Variants in SUGCT observed in about 807,000 individuals in gnomAD.
SUGCT encodes the protein succinyl-CoA:glutarate CoA-transferase.
Under a neutral mutation model 55.0 loss-of-function variants are expected in SUGCT, and 41 were observed. That is an observed-to-expected ratio of 0.74 (90% CI 0.58 to 0.97). The LOEUF is 0.97. Among genes scored for constraint, SUGCT ranks in the 50% least tolerant of loss-of-function variants. SUGCT has a pLI of 0.00. For missense variants in SUGCT, 568 were observed against 547.8 expected, an observed-to-expected ratio of 1.04 and a Z score of -0.37; for synonymous variants, 187 against 200.4, an observed-to-expected ratio of 0.93 and a Z score of 0.56.
In SUGCT at chr7:40,369,492, C is replaced by T. The variant is rs373593440; in HGVS notation, c.816+52637C>T. ...ATGATTGCAGGAGCTTGATGTATAA[C>T]GCTTAAAACATATACATTTGTGTCT... On this transcript the variant is annotated intron_variant, in intron 9 of 13. Transcript: ENST00000335693. Among the ~76,000 whole-genome samples the T allele has an allele frequency of 4.6e-5, 7 of 152,150 alleles. 1 individual carries two copies. In the South Asian group the frequency reaches 6.2e-4, roughly 14 times the overall value.
the SUGCT span, among the ~76,000 whole-genome samples, chr7:40,964,378 A>G: frequency 1.3e-5 from 2 of 152,210 alleles, no homozygotes; most frequent in African/African-American, 4.8e-5. Context: ...AATACACTCC[A>G]TCTTTGTGGG....
At chr7:40,771,350 T>C (rs1475837010) in intron 13 of SUGCT, among the ~76,000 whole-genome samples, 3 of 152,204 alleles carry the variant, frequency 2.0e-5, no homozygotes, top group African/African-American at 4.8e-5. Flanking sequence ...TATAACACTA[T>C]AGTTATCAAG....
intron 9 of SUGCT, among the ~76,000 whole-genome samples, chr7:40,321,803 A>G (rs1018398485): frequency 5.9e-5 from 9 of 152,222 alleles, no homozygotes; most frequent in Non-Finnish European, 1.5e-5. Flanking sequence ...TGGTATAGAT[A>G]TACCACATTT....
intron 13 of SUGCT, among the ~76,000 whole-genome samples, chr7:40,813,415 A>G (rs1791518915): frequency 6.6e-6 from 1 of 152,146 alleles, no homozygotes; most frequent in Non-Finnish European, 1.5e-5. Context: ...ATATATATTT[A>G]GGATAGTTAA....
At chr7:40,749,156 T>A (rs1001939692) in intron 12 of SUGCT, among the ~76,000 whole-genome samples, 1 of 152,186 alleles carries the variant, frequency 6.6e-6, no homozygotes, top group Non-Finnish European at 1.5e-5. Flanking sequence ...AATCATCTGC[T>A]ATATTTAGGA....
At chr7:40,157,081 TAGAACCTGGGTTAAA>T (rs2150629323) in intron 1 of SUGCT, among the ~76,000 whole-genome samples, 1 of 151,198 alleles carries the variant, frequency 6.6e-6, no homozygotes, top group East Asian at 1.9e-4. Context: ...CATAGAAAAG[TAGAACCTGGGTTAAA>T]AGACAAGCCT....
At chr7:40,665,770 G>A (rs775355325) in intron 12 of SUGCT, among the ~76,000 whole-genome samples, 77 of 152,102 alleles carry the variant, frequency 5.1e-4, no homozygotes, top group Admixed American at 4.3e-3. Flanking sequence ...GTCTAGGTAG[G>A]ATAGGGAGAA....
intron 5 of SUGCT, among the ~76,000 whole-genome samples, chr7:40,190,518 G>A (rs1037972706): frequency 1.3e-5 from 2 of 152,132 alleles, no homozygotes; most frequent in Admixed American, 1.3e-4. Flanking sequence ...AAAGTGCTGG[G>A]ATTTACAGGT....
At chr7:40,831,659 A>G (rs547481203) in intron 13 of SUGCT, among the ~76,000 whole-genome samples, 1 of 152,252 alleles carries the variant, frequency 6.6e-6, no homozygotes, top group East Asian at 1.9e-4. Flanking sequence ...GCAAGTCAGC[A>G]TCAGTCACAT....
At chr7:40,977,771 T>A in the SUGCT span, among the ~76,000 whole-genome samples, 3 of 152,308 alleles carry the variant, frequency 2.0e-5, no homozygotes, top group East Asian at 1.9e-4. Flanking sequence ...TTCCTCTAAA[T>A]TAATTAGAGC....
At chr7:40,319,538 C>G (rs1795614811) in intron 9 of SUGCT, among the ~76,000 whole-genome samples, 1 of 152,144 alleles carries the variant, frequency 6.6e-6, no homozygotes, top group Non-Finnish European at 1.5e-5. Context: ...GTGCCTAGCT[C>G]ACTCTCCTCC....
intron 13 of SUGCT, among the ~76,000 whole-genome samples, chr7:40,845,599 T>A (rs959854050): frequency 3.3e-5 from 5 of 152,282 alleles, no homozygotes; most frequent in Admixed American, 6.5e-5. Context: ...GTGCTGTTAT[T>A]GAGAGGATGG....
chr7:40,216,321 G>T (rs190719253), intron 6 of SUGCT, among the ~76,000 whole-genome samples: 67 of 151,696 alleles, frequency 4.4e-4, no homozygotes, highest in African/African-American at 1.6e-3. Context: ...GGCCAACATG[G>T]TGAAACCCCG....
chr7:40,354,724 T>A (rs1303359291), intron 9 of SUGCT, among the ~76,000 whole-genome samples: 1 of 152,204 alleles, frequency 6.6e-6, no homozygotes, highest in Non-Finnish European at 1.5e-5. Context: ...TGCACAGAAA[T>A]GCCAAAGATT....
chr7:40,475,854 C>A (rs1790636512), intron 11 of SUGCT, among the ~76,000 whole-genome samples: 1 of 152,220 alleles, frequency 6.6e-6, no homozygotes, highest in Admixed American at 6.5e-5. Flanking sequence ...AGAGTGAACC[C>A]AAATAATTGA....
In SUGCT at chr7:40,380,233, A is replaced by G. The variant is rs547525375; in HGVS notation, c.816+63378A>G. Among the ~76,000 whole-genome samples the G allele has an allele frequency of 1.2e-3, 188 of 152,268 alleles. 1 individual carries two copies. The highest frequency in any genetic ancestry group is 4.1e-3 in the African/African-American group (170 of 41,560). ...ACTTACTGTTTTTCAAGGCTAGTGCATAGCTGGGGATGCAGAGATGGGAAT... is the reference window on the plus strand; with the variant it reads ...ACTTACTGTTTTTCAAGGCTAGTGCGTAGCTGGGGATGCAGAGATGGGAAT... On this transcript the variant is annotated intron_variant, in intron 9 of 13. Coordinates refer to ENST00000335693, the MANE Select transcript of SUGCT (RefSeq NM_001193313.2).
At chr7:40,495,364 C>A (rs1791914137) in intron 11 of SUGCT, among the ~76,000 whole-genome samples, 1 of 151,868 alleles carries the variant, frequency 6.6e-6, no homozygotes, top group Admixed American at 6.6e-5. Context: ...GTTTCACTAG[C>A]CCTTTCATAT....
the SUGCT span, among the ~76,000 whole-genome samples, chr7:40,991,257 C>T: frequency 6.6e-6 from 1 of 152,112 alleles, no homozygotes; most frequent in Non-Finnish European, 1.5e-5. Context: ...ATGGAGAATG[C>T]TGGTTGGTGG....
intron 9 of SUGCT, among the ~76,000 whole-genome samples, chr7:40,329,157 C>T (rs1383339335): frequency 6.6e-6 from 1 of 152,116 alleles, no homozygotes; most frequent in Admixed American, 6.5e-5. Context: ...CCTGATAGAT[C>T]TCAGTTCAGG....
Sources: gnomAD v4.1 joint callset for allele counts (sites outside exome capture counted in the v4.1 genomes callset) on GRCh38, gnomAD v4.1.1 for gene constraint, MANE v1.5 for transcripts, NCBI Gene and HGNC (gene_info 2026-07-23, HGNC 2026-07-21) for gene names.